The following C4orf36 variants were observed in gnomAD, a reference collection of about 807,000 sequenced individuals.
The protein encoded by C4orf36 is chromosome 4 open reading frame 36.
A neutral mutation model predicts 12.2 loss-of-function variants in C4orf36; 11 were observed. That is an observed-to-expected ratio of 0.90 (90% CI 0.57 to 1.49). C4orf36 has a LOEUF of 1.49. C4orf36 is among the 40% of genes most tolerant of loss of function. The probability of loss-of-function intolerance (pLI) is 0.00; values close to 1 mark genes in which losing one functional copy is unlikely to be tolerated. For synonymous variants in C4orf36, 54 were observed against 51.3 expected (o/e 1.05, Z -0.22); for missense variants, 137 against 133.9 (o/e 1.02, Z -0.11).
chr4:86,933,359 T>C, the C4orf36 span: 2 of 152,236 alleles, frequency 1.3e-5, no homozygotes, highest in Non-Finnish European at 2.9e-5. Context: ...CCTAGCACAT[T>C]GCCTTAAGAA....
chr4:86,910,957 C>T, the C4orf36 span, among the ~76,000 whole-genome samples: 2 of 151,830 alleles, frequency 1.3e-5, no homozygotes, highest in Non-Finnish European at 2.9e-5. Flanking sequence ...GTGGCTTGCA[C>T]CTGTAGTCCC....
the C4orf36 span, among the ~76,000 whole-genome samples, chr4:86,924,197 CAT>C: frequency 3.3e-5 from 5 of 152,062 alleles, no homozygotes; most frequent in African/African-American, 1.2e-4. Flanking sequence ...CATGCCACCA[CAT>C]GTGGTTGTTT....
chr4:86,902,056 C>T, the C4orf36 span, among the ~76,000 whole-genome samples: 1 of 152,076 alleles, frequency 6.6e-6, no homozygotes, highest in African/African-American at 2.4e-5. Context: ...ACCATAGAGG[C>T]GAGCCTGGAG....
At chr4:86,931,203 C>G in the C4orf36 span, among the ~76,000 whole-genome samples, 1 of 152,076 alleles carries the variant, frequency 6.6e-6, no homozygotes, top group African/African-American at 2.4e-5. Flanking sequence ...ATCACTGCCC[C>G]CCTCATAATC....
chr4:86,879,071 G>A (rs1252894551), intron 4 of C4orf36, among the ~76,000 whole-genome samples: 2 of 152,070 alleles, frequency 1.3e-5, no homozygotes, highest in African/African-American at 4.8e-5. Context: ...TTGGTTTGGG[G>A]GGTTTTGGTT....
chr4:86,924,400 C>A, the C4orf36 span, among the ~76,000 whole-genome samples: 6 of 152,208 alleles, frequency 3.9e-5, no homozygotes, highest in Admixed American at 1.3e-4. Flanking sequence ...GGGGTTTCAC[C>A]ATGTTGGCCA....
chr4:86,878,976 A>G (rs781200661), intron 4 of C4orf36, among the ~76,000 whole-genome samples: 25 of 152,306 alleles, frequency 1.6e-4, no homozygotes, highest in Non-Finnish European at 2.5e-4. Context: ...GGAGGTCGCC[A>G]TACACTCTAG....
the C4orf36 span, chr4:86,936,139 G>A: frequency 1.3e-5 from 2 of 152,228 alleles, no homozygotes; most frequent in African/African-American, 4.8e-5. Flanking sequence ...TGGCTTTGGA[G>A]GTGGAGATGT....
the C4orf36 span, among the ~76,000 whole-genome samples, chr4:86,920,986 A>G: frequency 5.2e-3 from 786 of 151,860 alleles, 5 homozygotes; most frequent in African/African-American, 0.018. Flanking sequence ...ACCAACATGG[A>G]GATACCCCGT....
intron 4 of C4orf36, among the ~76,000 whole-genome samples, chr4:86,880,015 T>C (rs1461125411): frequency 1.3e-5 from 2 of 152,052 alleles, no homozygotes; most frequent in African/African-American, 2.4e-5. Context: ...CATGCCTGGA[T>C]AATTTTCTTT....
intron 4 of C4orf36, among the ~76,000 whole-genome samples, chr4:86,883,956 G>A (rs1747105582): frequency 6.6e-6 from 1 of 151,818 alleles, no homozygotes; most frequent in Non-Finnish European, 1.5e-5. Flanking sequence ...TTGAACCCAG[G>A]AGGCAGAGGT....
In C4orf36 at chr4:86,892,384, G is replaced by A; in HGVS notation, c.-275C>T. On this transcript the variant is annotated 5_prime_UTR_variant, in exon 1 of 5. Transcript: ENST00000295898. The stretch of plus-strand genomic sequence containing the variant: ...CACACGCCTCGGGGCCGCGCCGCAG[G>A]CACACGCCTCCTTCCCGCTCGCCGC... 1 of 985,598 alleles carries A rather than the reference G, an allele frequency of 1.0e-6. No individual in the cohort carries two copies. The highest frequency in any genetic ancestry group is 1.2e-6 in the Non-Finnish European group (1 of 830,074). 61.1% of individuals were successfully genotyped at this position (985,598 alleles called of 1,614,324 possible). A position where few individuals can be genotyped will look rare whatever the true frequency, so the allele number is the denominator to read the frequency against.
chr4:86,883,745 C>G (rs572791974), intron 4 of C4orf36, among the ~76,000 whole-genome samples: 3 of 152,024 alleles, frequency 2.0e-5, no homozygotes, highest in Admixed American at 1.3e-4. Context: ...ACTAGAAGAT[C>G]AGCCAGGCGC....
At chr4:86,919,527 G>T in the C4orf36 span, among the ~76,000 whole-genome samples, 14 of 151,726 alleles carry the variant, frequency 9.2e-5, no homozygotes, top group African/African-American at 3.4e-4. Context: ...GTTTCACCAT[G>T]TTGGCCAGGC....
chr4:86,910,336 C>T, the C4orf36 span, among the ~76,000 whole-genome samples: 7 of 151,914 alleles, frequency 4.6e-5, no homozygotes, highest in Non-Finnish European at 8.8e-5. Flanking sequence ...CACTTGAACC[C>T]GGGAGGTGGA....
At chr4:86,915,552 G>A in the C4orf36 span, among the ~76,000 whole-genome samples, 1 of 150,996 alleles carries the variant, frequency 6.6e-6, no homozygotes, top group Non-Finnish European at 1.5e-5. Context: ...GGGAGGCCGA[G>A]GGGGGTGGAT....
chr4:86,908,216 C>T, the C4orf36 span, among the ~76,000 whole-genome samples: 4 of 106,532 alleles, frequency 3.8e-5, no homozygotes, highest in Admixed American at 2.0e-4. Context: ...CACACACACA[C>T]ACGTTGCTGG....
At chr4:86,880,996 C>T (rs781265750) in intron 4 of C4orf36, among the ~76,000 whole-genome samples, 6 of 147,492 alleles carry the variant, frequency 4.1e-5, no homozygotes, top group Non-Finnish European at 4.5e-5. Flanking sequence ...TCACACCACT[C>T]GACTCCAGCC....
chr4:86,880,352 G>A (rs1258151585), intron 4 of C4orf36, among the ~76,000 whole-genome samples: 1 of 152,192 alleles, frequency 6.6e-6, no homozygotes, highest in Non-Finnish European at 1.5e-5. Flanking sequence ...CTACTTGGGA[G>A]CATGAGGCAG....
Sources: allele counts gnomAD v4.1 joint callset (sites outside exome capture counted in the v4.1 genomes callset), GRCh38; gene constraint gnomAD v4.1.1; transcripts MANE v1.5; gene names NCBI Gene and HGNC (gene_info 2026-07-23, HGNC 2026-07-21).